MYO1E: variants seen among roughly 807,000 people sequenced by gnomAD.
MYO1E encodes unconventional myosin-Ie.
In MYO1E, 68 loss-of-function variants were observed where a neutral mutation model predicts 151.1. The observed-to-expected ratio is 0.45, with a 90% CI of 0.37 to 0.55. The LOEUF (loss-of-function observed/expected upper bound fraction) is 0.55. Among genes scored for constraint, MYO1E ranks in the 20% least tolerant of loss-of-function variants. MYO1E has a pLI of 0.00. For synonymous variants in MYO1E, 601 were observed against 501.7 expected (o/e 1.20, Z -2.64); for missense variants, 1,363 against 1,389.3 (o/e 0.98, Z 0.30).
intron 1 of MYO1E, among the ~76,000 whole-genome samples, chr15:59,318,565 A>C (rs2080604148): frequency 6.6e-6 from 1 of 152,230 alleles, no homozygotes. Flanking sequence ...CAAAATTATT[A>C]GTCTAGAAGA....
chr15:59,304,012 C>T (rs1234159198), intron 1 of MYO1E, among the ~76,000 whole-genome samples: 3 of 134,094 alleles, frequency 2.2e-5, no homozygotes, highest in South Asian at 2.3e-4. Flanking sequence ...GAGGGAGTTT[C>T]GCTCTTGTCA....
chr15:59,360,529 T>G (rs117768535), intron 1 of MYO1E, among the ~76,000 whole-genome samples: 2,339 of 152,306 alleles, frequency 0.015, 23 homozygotes, highest in Non-Finnish European at 0.024. Flanking sequence ...TTGGCATGAT[T>G]CATTGCTCTC....
At chr15:59,354,350 A>G (rs1017965336) in intron 1 of MYO1E, among the ~76,000 whole-genome samples, 1 of 152,234 alleles carries the variant, frequency 6.6e-6, no homozygotes, top group African/African-American at 2.4e-5. Flanking sequence ...CAGAACAGAC[A>G]CAACCTTGGT....
In MYO1E at chr15:59,218,068, A is replaced by G. The variant is rs767571342; in HGVS notation, c.930T>C (p.Tyr310=). ...ESEEFLAFPA[Y]LLGINQDRLK... Reference sequence around the variant, plus strand: ...ACCGGTCCTGGTTTATCCCTAGCAGATATGCAGGAAAAGCTAAAACTGTAG... The same window carrying G: ...ACCGGTCCTGGTTTATCCCTAGCAGGTATGCAGGAAAAGCTAAAACTGTAG... The change falls in exon 10 of 28, where the codon TAT becomes TAC. Residue 310 remains tyrosine (Y), a synonymous_variant. Transcript: ENST00000288235. 1.2e-6 allele frequency: 2 copies of G among 1,614,100 alleles called. No homozygotes were observed. The highest frequency in any genetic ancestry group is 2.7e-5 in the African/African-American group (2 of 74,930).
chr15:59,331,128 T>C (rs1199926167), intron 1 of MYO1E, among the ~76,000 whole-genome samples: 2 of 152,204 alleles, frequency 1.3e-5, no homozygotes, highest in Admixed American at 6.5e-5. Context: ...CATGCTACAA[T>C]GGCAGAGTTG....
chr15:59,345,381 G>A (rs1328775536), intron 1 of MYO1E, among the ~76,000 whole-genome samples: 4 of 152,104 alleles, frequency 2.6e-5, no homozygotes, highest in African/African-American at 7.2e-5. Flanking sequence ...GCTTTCTCTT[G>A]GGGAGCCTCA....
intron 4 of MYO1E, among the ~76,000 whole-genome samples, chr15:59,243,682 A>G (rs1424420407): frequency 6.6e-6 from 1 of 152,190 alleles, no homozygotes; most frequent in African/African-American, 2.4e-5. Context: ...TAGTATCAGC[A>G]AACTTTTAGC....
intron 5 of MYO1E, among the ~76,000 whole-genome samples, chr15:59,235,893 T>A (rs2080059586): frequency 6.6e-6 from 1 of 152,200 alleles, no homozygotes; most frequent in African/African-American, 2.4e-5. Flanking sequence ...TCTAATGCAG[T>A]TTTAATTTGC....
At chr15:59,272,182 T>G (rs2080292407) in intron 2 of MYO1E, 124 bp downstream of exon 2, 1 of 1,107,682 alleles carries the variant, frequency 9.0e-7, no homozygotes, top group Non-Finnish European at 1.4e-6. Context: ...CTGGAACTCC[T>G]GCCTTAGCCT....
At chr15:59,286,183 T>G (rs534849480) in intron 1 of MYO1E, among the ~76,000 whole-genome samples, 2 of 152,150 alleles carry the variant, frequency 1.3e-5, no homozygotes, top group African/African-American at 4.8e-5. Flanking sequence ...TGTGGCAGAG[T>G]TGATATCAAC....
At position 59,216,309 on chromosome 15, in the gene MYO1E, G is replaced by C. The variant is rs1051895881; in HGVS notation, c.1107+1582C>G. On this transcript the variant is annotated intron_variant, in intron 10 of 27. Transcript: ENST00000288235. ...CCTTAATCGATCTATGCCTCCCTTA[G>C]TTTATCTGTAAAGCAGAGATAATAA... Among the ~76,000 whole-genome samples the C allele has an allele frequency of 9.2e-5, 14 of 151,922 alleles. 1 individual carries two copies. Among genetic ancestry groups the C allele is most frequent in the Admixed American group, 5.3e-4 (8 of 15,202 alleles).
At chr15:59,142,094 G>A (rs2079413601) in intron 26 of MYO1E, among the ~76,000 whole-genome samples, 1 of 151,524 alleles carries the variant, frequency 6.6e-6, no homozygotes, top group Admixed American at 6.6e-5. Flanking sequence ...GAAACGGAGT[G>A]AGACTCCATC....
intron 16 of MYO1E, among the ~76,000 whole-genome samples, chr15:59,196,083 A>G (rs1566975866): frequency 6.6e-6 from 1 of 152,238 alleles, no homozygotes; most frequent in Non-Finnish European, 1.5e-5. Context: ...ATTCATAGTT[A>G]AAGAATGGGA....
chr15:59,214,750 C>G, intron 10 of MYO1E, 30 bp from the exon 11 acceptor site: 1 of 1,556,916 alleles, frequency 6.4e-7, no homozygotes, highest in Non-Finnish European at 8.9e-7. Context: ...TGGCAGTGAA[C>G]TCCTTTCCAT....
At chr15:59,262,586 G>T (rs1371762278) in intron 2 of MYO1E, among the ~76,000 whole-genome samples, 1 of 152,172 alleles carries the variant, frequency 6.6e-6, no homozygotes, top group Non-Finnish European at 1.5e-5. Context: ...CCAGATCAGA[G>T]GTTACAGCAA....
At chr15:59,257,635 TGA>T (rs1238813097) in intron 3 of MYO1E, among the ~76,000 whole-genome samples, 6 of 151,972 alleles carry the variant, frequency 3.9e-5, no homozygotes, top group African/African-American at 1.4e-4. Flanking sequence ...CTCTGGAAGA[TGA>T]GAGTTTGGTG....
chr15:59,283,902 T>C (rs2080371676), intron 1 of MYO1E, among the ~76,000 whole-genome samples: 1 of 152,254 alleles, frequency 6.6e-6, no homozygotes, highest in Non-Finnish European at 1.5e-5. Context: ...GTGTCACGTA[T>C]CAACTTCTTT....
At position 59,231,799 on chromosome 15, in the gene MYO1E, A is replaced by G. The variant is rs919811610; in HGVS notation, c.421-8T>C. On this transcript the variant is annotated splice_region_variant and splice_polypyrimidine_tract_variant and intron_variant, in intron 5 of 27. Coordinates refer to ENST00000288235, the MANE Select transcript of MYO1E (RefSeq NM_004998.4). ...GATAATGTCCTTCACGTGCTGTCCC[A>G]GCAAATAGACCGGAGGTTAGGAAGG... 12 of 1,613,912 alleles carry G rather than the reference A, an allele frequency of 7.4e-6. No individual in the cohort carries two copies. The highest frequency in any genetic ancestry group is 1.0e-5 in the Non-Finnish European group (12 of 1,179,910).
chr15:59,188,342 T>C (rs570653656), intron 17 of MYO1E, 126 bp from the exon 18 acceptor site: 200 of 768,650 alleles, frequency 2.6e-4, no homozygotes, highest in Non-Finnish European at 4.3e-4. Context: ...CTACAATTTA[T>C]AGTGTTCAAA....
Sources: gnomAD v4.1 joint callset for allele counts (sites outside exome capture counted in the v4.1 genomes callset) on GRCh38, gnomAD v4.1.1 for gene constraint, MANE v1.5 for transcripts, NCBI Gene and HGNC (gene_info 2026-07-23, HGNC 2026-07-21) for gene names.